The following CDH18 variants were observed in gnomAD, a reference collection of about 807,000 sequenced individuals.
CDH18 encodes the protein cadherin-18.
In CDH18, 31 loss-of-function variants were observed where a neutral mutation model predicts 67.9. The observed-to-expected ratio is 0.46, with a 90% confidence interval of 0.34 to 0.62. The LOEUF (loss-of-function observed/expected upper bound fraction) is 0.62, where lower values mean the gene tolerates loss of function less well. Among genes scored for constraint, CDH18 ranks in the 20% least tolerant of loss-of-function variants. The pLI, the probability that CDH18 is intolerant of heterozygous loss-of-function variation, is 0.01. For missense variants in CDH18, 890 were observed against 975.5 expected (o/e 0.91, Z 1.17); for synonymous variants, 362 against 347.2 (o/e 1.04, Z -0.48).
intron 3 of CDH18, among the ~76,000 whole-genome samples, chr5:19,753,966 C>T (rs2149678885): frequency 6.6e-6 from 1 of 152,220 alleles, no homozygotes; most frequent in South Asian, 2.1e-4. Context: ...ACTACAAGAA[C>T]TGCTAAAAGG....
rs758374347 is a variant in CDH18, at chr5:19,830,896, A to G, written c.228+7863T>C. Among the ~76,000 whole-genome samples the G allele has an allele frequency of 1.9e-3, 283 of 152,124 alleles. 4 individuals carry two copies. Among genetic ancestry groups the G allele is most frequent in the Non-Finnish European group, 2.0e-3 (133 of 67,984 alleles). On this transcript the variant is annotated intron_variant, in intron 3 of 12. Transcript: ENST00000382275. ...TCACATCCTTTTCAGGAACATGGAT[A>G]GAGGTGGAGGCCATAACCTGACACA...
At chr5:20,512,473 C>G (rs1169141324) in intron 1 of CDH18, among the ~76,000 whole-genome samples, 6 of 152,072 alleles carry the variant, frequency 3.9e-5, no homozygotes, top group Non-Finnish European at 5.9e-5. Flanking sequence ...GTGATATATT[C>G]TTTGTGACTG....
At chr5:20,250,615 T>C (rs1385582442) in intron 2 of CDH18, among the ~76,000 whole-genome samples, 1 of 102,056 alleles carries the variant, frequency 9.8e-6, no homozygotes, top group Non-Finnish European at 2.1e-5. Flanking sequence ...TTTTTTTTTT[T>C]TTTTCGAGAT....
At chr5:19,675,529 T>C (rs984235159) in intron 5 of CDH18, among the ~76,000 whole-genome samples, 4 of 152,064 alleles carry the variant, frequency 2.6e-5, no homozygotes, top group African/African-American at 4.8e-5. Context: ...TTTTTCCTAT[T>C]TGCTTTTGAA....
intron 1 of CDH18, among the ~76,000 whole-genome samples, chr5:20,573,291 C>A (rs1025010065): frequency 6.6e-6 from 1 of 151,750 alleles, no homozygotes; most frequent in African/African-American, 2.4e-5. Context: ...GATGTTACAT[C>A]TACTTATGCT....
At chr5:20,449,126 C>T (rs1166299197) in intron 1 of CDH18, among the ~76,000 whole-genome samples, 1 of 152,100 alleles carries the variant, frequency 6.6e-6, no homozygotes, top group African/African-American at 2.4e-5. Flanking sequence ...TCTTTTGGAA[C>T]TTACATCAAC....
At chr5:19,801,402 T>C (rs189069719) in intron 3 of CDH18, among the ~76,000 whole-genome samples, 2 of 152,288 alleles carry the variant, frequency 1.3e-5, no homozygotes, top group East Asian at 1.9e-4. Flanking sequence ...TTATATATCA[T>C]ACTGTTTAAT....
At chr5:19,747,933 T>C (rs1265027099) in intron 3 of CDH18, among the ~76,000 whole-genome samples, 10 of 149,786 alleles carry the variant, frequency 6.7e-5, no homozygotes, top group South Asian at 2.1e-4. Context: ...ACGGTGAAAC[T>C]CCGTCTCTAC....
intron 5 of CDH18, among the ~76,000 whole-genome samples, chr5:19,669,695 T>A (rs972953774): frequency 6.6e-6 from 1 of 152,138 alleles, no homozygotes; most frequent in Non-Finnish European, 1.5e-5. Flanking sequence ...TATCTGTTTA[T>A]CCATTAGACA....
chr5:20,422,326 T>G (rs1200618233), intron 1 of CDH18, among the ~76,000 whole-genome samples: 2 of 151,070 alleles, frequency 1.3e-5, no homozygotes, highest in Non-Finnish European at 2.9e-5. Context: ...GATCATATTT[T>G]GTATTATATG....
At chr5:19,916,974 A>G (rs1365014296) in intron 2 of CDH18, among the ~76,000 whole-genome samples, 1 of 151,526 alleles carries the variant, frequency 6.6e-6, no homozygotes, top group Non-Finnish European at 1.5e-5. Flanking sequence ...CATTAAAATG[A>G]TGACACATTA....
chr5:20,100,674 C>T (rs1746380245), intron 2 of CDH18, among the ~76,000 whole-genome samples: 1 of 152,090 alleles, frequency 6.6e-6, no homozygotes, highest in Non-Finnish European at 1.5e-5. Context: ...ATTACCTATA[C>T]ATCTGGCCTC....
intron 2 of CDH18, among the ~76,000 whole-genome samples, chr5:20,042,839 G>T (rs1740557158): frequency 6.6e-6 from 1 of 152,104 alleles, no homozygotes; most frequent in African/African-American, 2.4e-5. Context: ...GCGGGCGCCT[G>T]TAGTCCCAGC....
chr5:20,061,445 A>G (rs1742477259), intron 2 of CDH18, among the ~76,000 whole-genome samples: 2 of 152,136 alleles, frequency 1.3e-5, no homozygotes, highest in African/African-American at 4.8e-5. Flanking sequence ...CCTTCCATAC[A>G]CACGTCGTGG....
chr5:20,461,320 A>AT lies in CDH18; in HGVS notation c.-580+114141dup, dbSNP rs574434714. 1.0e-3 allele frequency among the ~76,000 whole-genome samples: 154 copies of AT among 152,116 alleles called. 1 individual carries two copies. The highest frequency in any genetic ancestry group is 1.7e-3 in the Non-Finnish European group (115 of 67,980). Reference sequence around the variant, plus strand: ...TCCTTTGTTTCTCTATCATGCTAAGATTTTTTGGGATTTCCATATTTCTCC... The same window carrying AT: ...TCCTTTGTTTCTCTATCATGCTAAGATTTTTTTGGGATTTCCATATTTCTCC... On this transcript the variant is annotated intron_variant, in intron 1 of 14. Coordinates refer to the CDH18 transcript ENST00000507958.
intron 1 of CDH18, among the ~76,000 whole-genome samples, chr5:20,337,089 G>A (rs1281133017): frequency 6.6e-6 from 1 of 152,178 alleles, no homozygotes; most frequent in South Asian, 2.1e-4. Flanking sequence ...CTGGAAACCT[G>A]ATTTCAGACC....
intron 1 of CDH18, among the ~76,000 whole-genome samples, chr5:20,492,851 C>T (rs1317404856): frequency 2.0e-5 from 3 of 152,024 alleles, no homozygotes; most frequent in Admixed American, 6.5e-5. Flanking sequence ...CTTGATGAAT[C>T]GCTGCACTCA....
intron 1 of CDH18, among the ~76,000 whole-genome samples, chr5:20,532,398 C>T (rs1756459334): frequency 6.6e-6 from 1 of 152,010 alleles, no homozygotes; most frequent in African/African-American, 2.4e-5. Flanking sequence ...TTTTTTTCTC[C>T]TGTACTCAGT....
At chr5:20,050,172 T>C (rs1332533865) in intron 2 of CDH18, among the ~76,000 whole-genome samples, 1 of 151,904 alleles carries the variant, frequency 6.6e-6, no homozygotes, top group Non-Finnish European at 1.5e-5. Flanking sequence ...ATTTTGCCTT[T>C]GGGCAAATTG....
Sources: allele counts gnomAD v4.1 joint callset (sites outside exome capture counted in the v4.1 genomes callset), GRCh38; gene constraint gnomAD v4.1.1; transcripts MANE v1.5; gene names NCBI Gene and HGNC (gene_info 2026-07-23, HGNC 2026-07-21).